The following PAH variants were observed in gnomAD, a reference collection of about 807,000 sequenced individuals.
PAH encodes phenylalanine-4-hydroxylase.
Under a neutral mutation model 62.0 loss-of-function variants are expected in PAH, and 64 were observed. That is an observed-to-expected ratio of 1.03 (90% confidence interval 0.84 to 1.27). The LOEUF is 1.27. Ranked by LOEUF, PAH falls within the 50% of genes most tolerant of loss-of-function variation. The pLI is 0.00. For synonymous variants in PAH, 195 were observed against 196.2 expected (o/e 0.99, Z 0.05); for missense variants, 579 against 542.8 (o/e 1.07, Z -0.66).
chr12:102,873,260 C>T (rs1876432427), intron 4 of PAH, among the ~76,000 whole-genome samples: 2 of 152,168 alleles, frequency 1.3e-5, no homozygotes, highest in Admixed American at 1.3e-4. Flanking sequence ...CGTGACTGAG[C>T]TCTACTCAAT....
intron 1 of PAH, among the ~76,000 whole-genome samples, chr12:102,924,757 G>T (rs928535095): frequency 5.3e-5 from 8 of 152,132 alleles, no homozygotes; most frequent in African/African-American, 1.9e-4. Context: ...CCTTGGCTGT[G>T]AAACTGTATG....
chr12:102,843,121 C>T (rs978053838), intron 11 of PAH, among the ~76,000 whole-genome samples: 2 of 152,090 alleles, frequency 1.3e-5, no homozygotes, highest in African/African-American at 4.8e-5. Flanking sequence ...GGAGGAAAAA[C>T]AGAAAATAGA....
At chr12:102,873,619 A>T (rs1370915585) in intron 4 of PAH, among the ~76,000 whole-genome samples, 1 of 152,224 alleles carries the variant, frequency 6.6e-6, no homozygotes, top group African/African-American at 2.4e-5. Context: ...TAGAAATGAT[A>T]GCACATGCTA....
chr12:102,877,247 G>A (rs1876606318), intron 4 of PAH: 1 of 609,186 alleles, frequency 1.6e-6, no homozygotes, highest in African/African-American at 1.8e-5. Flanking sequence ...TCTGGACAGT[G>A]ATTTATATTT....
chr12:102,914,078 C>T, intron 1 of PAH: 2 of 421,642 alleles, frequency 4.7e-6, no homozygotes, highest in East Asian at 7.2e-5. Context: ...TGCATGAATA[C>T]TGATGACCCT....
rs756562423 is a variant in PAH at position 102,846,876 on chromosome 12, A to G, written c.969+19T>C. On this transcript the variant is annotated intron_variant, in intron 9 of 12. Transcript: ENST00000553106. Reference sequence around the variant, plus strand: ...GCCTATAGCACTCCACCATCCACCCAGGGAGAGAAGGGACTTACTGTGGCG... The same window carrying G: ...GCCTATAGCACTCCACCATCCACCCGGGGAGAGAAGGGACTTACTGTGGCG... The G allele has an allele frequency of 6.2e-7, 1 of 1,608,152 alleles. No homozygotes were observed. Among genetic ancestry groups the G allele is most frequent in the Non-Finnish European group, 8.5e-7 (1 of 1,174,778 alleles).
intron 5 of PAH, among the ~76,000 whole-genome samples, chr12:102,858,132 T>C (rs1043890350): frequency 5.3e-5 from 8 of 152,080 alleles, no homozygotes; most frequent in African/African-American, 1.7e-4. Flanking sequence ...TGGAGGAAGA[T>C]CTATCAAGCA....
chr12:102,958,305 C>T, exon 1 of PAH: 1 of 1,479,788 alleles, frequency 6.8e-7, no homozygotes, highest in Non-Finnish European at 8.9e-7. Context: ...GCCGCAGCCC[C>T]AGCAGCCCTT....
At chr12:102,840,640 A>C (rs1350475587) in intron 11 of PAH, 125 bp from the exon 12 acceptor site, 1 of 733,818 alleles carries the variant, frequency 1.4e-6, no homozygotes, top group African/African-American at 1.7e-5. Flanking sequence ...CAGGGTCTTC[A>C]ACAGCCAGGG....
At chr12:102,844,904 CCAGCTTGCAGGCA>C (rs571117545) in intron 9 of PAH, among the ~76,000 whole-genome samples, 18 of 152,248 alleles carry the variant, frequency 1.2e-4, no homozygotes, top group African/African-American at 4.3e-4. Flanking sequence ...TTCAGGTTCT[CCAGCTTGCAGGCA>C]GCATATCGTG....
Position 102,857,914 on chromosome 12 carries a change from A to G in PAH, c.510-2582T>C, listed in dbSNP as rs144313900. 4.8e-3 allele frequency among the ~76,000 whole-genome samples: 737 copies of G among 152,378 alleles called. 4 individuals are homozygous for G. The highest frequency in any genetic ancestry group is 0.017 in the African/African-American group (709 of 41,594). On this transcript the variant is annotated intron_variant, in intron 5 of 12. Transcript: ENST00000553106. The stretch of plus-strand genomic sequence containing the variant: ...ATTGATTCCGGGAAGAAACTGCATC[A>G]ACTAACGAGCAAAATAACCAGCTAA...
At chr12:102,913,718 C>T in intron 1 of PAH, 1 of 677,508 alleles carries the variant, frequency 1.5e-6, no homozygotes, top group South Asian at 1.6e-5. Flanking sequence ...GTTACAAAAT[C>T]CATGAAAGTA....
intron 8 of PAH, among the ~76,000 whole-genome samples, chr12:102,850,085 T>C (rs1012090731): frequency 6.6e-5 from 10 of 152,216 alleles, no homozygotes; most frequent in Admixed American, 6.5e-4. Context: ...AAGGTTCCTA[T>C]TCTTCAAGGA....
chr12:102,937,392 T>G (rs558973977), intron 1 of PAH, among the ~76,000 whole-genome samples: 1 of 152,290 alleles, frequency 6.6e-6, no homozygotes, highest in South Asian at 2.1e-4. Flanking sequence ...TGTTATAATT[T>G]CTTGCTTTTT....
At chr12:102,882,646 A>ATATATATATATATATACAC (rs1876862941) in intron 3 of PAH, among the ~76,000 whole-genome samples, 2 of 50,280 alleles carry the variant, frequency 4.0e-5, no homozygotes, top group African/African-American at 2.7e-4. Context: ...TATACACTAT[A>ATATATATATATATATACAC]TATATATATA....
At chr12:102,903,596 C>CA (rs1369462129) in intron 2 of PAH, among the ~76,000 whole-genome samples, 2 of 151,976 alleles carry the variant, frequency 1.3e-5, no homozygotes, top group African/African-American at 4.8e-5. Context: ...GAGTAGGGCA[C>CA]AAAAAAGTGG....
chr12:102,905,234 T>C (rs896968114), intron 2 of PAH, among the ~76,000 whole-genome samples: 2 of 152,190 alleles, frequency 1.3e-5, no homozygotes, highest in African/African-American at 2.4e-5. Flanking sequence ...GCTACTATAA[T>C]GTTTGGAACC....
In PAH at chr12:102,885,571, G is replaced by A. The variant is rs551652392; in HGVS notation, c.353-8021C>T. Among the ~76,000 whole-genome samples, 7 of 152,186 alleles carry A rather than the reference G, an allele frequency of 4.6e-5. No individual in the cohort carries two copies. In the South Asian group the frequency reaches 8.3e-4, roughly 18 times the overall value. ...GATTTGGCTCCAAAGGAAGCAGCCC[G>A]CTGGAGAGCTGGCCCTGGACACCCA... On this transcript the variant is annotated intron_variant, in intron 3 of 12. Coordinates refer to ENST00000553106, the MANE Select transcript of PAH (RefSeq NM_000277.3).
chr12:102,879,427 A>G (rs1478164929), intron 3 of PAH, among the ~76,000 whole-genome samples: 1 of 151,754 alleles, frequency 6.6e-6, no homozygotes, highest in Non-Finnish European at 1.5e-5. Context: ...TCCGTGATCT[A>G]AACAGGAGCC....
Sources: gnomAD v4.1 joint callset for allele counts (sites outside exome capture counted in the v4.1 genomes callset) on GRCh38, gnomAD v4.1.1 for gene constraint, MANE v1.5 for transcripts, NCBI Gene and HGNC (gene_info 2026-07-23, HGNC 2026-07-21) for gene names.